Variants in TRIP12 observed in about 807,000 individuals in gnomAD.
TRIP12 encodes the protein thyroid hormone receptor interactor 12, also known as E3 ubiquitin-protein ligase TRIP12.
Under a neutral mutation model 244.2 loss-of-function variants are expected in TRIP12, and 25 were observed. That is an observed-to-expected ratio of 0.10 (90% CI 0.07 to 0.14). The LOEUF (loss-of-function observed/expected upper bound fraction) is 0.14, where lower values mean the gene tolerates loss of function less well. Among genes scored for constraint, TRIP12 ranks in the 10% least tolerant of loss-of-function variants. TRIP12 has a pLI of 1.00. For missense variants in TRIP12, 1,677 were observed against 2,486.4 expected (o/e 0.67, Z 6.92); for synonymous variants, 905 against 873.1 (o/e 1.04, Z -0.64).
At chr2:229,864,047 A>AGAGAGAGAGAGTGTGTGTGTGT in intron 2 of TRIP12, among the ~76,000 whole-genome samples, 1 of 79,292 alleles carries the variant, frequency 1.3e-5, no homozygotes, top group Non-Finnish European at 2.5e-5. Flanking sequence ...AGAGAGAGAG[A>AGAGAGAGAGAGTGTGTGTGTGT]GTGTGTGTGT....
chr2:229,879,060 T>C (rs1050810421), intron 2 of TRIP12, among the ~76,000 whole-genome samples: 4 of 152,002 alleles, frequency 2.6e-5, no homozygotes, highest in African/African-American at 9.7e-5. Flanking sequence ...TGAGACCAGC[T>C]TGGCCACCGT....
chr2:229,828,918 A>T (rs1444219656), intron 8 of TRIP12, among the ~76,000 whole-genome samples: 1 of 152,184 alleles, frequency 6.6e-6, no homozygotes, highest in African/African-American at 2.4e-5. Context: ...CAAGATTCAA[A>T]TCTATGCAAA....
At chr2:229,832,387 C>T (rs2053673824) in intron 6 of TRIP12, among the ~76,000 whole-genome samples, 1 of 152,128 alleles carries the variant, frequency 6.6e-6, no homozygotes, top group Admixed American at 6.5e-5. Flanking sequence ...TGGCCTTTTA[C>T]AAAAGTGTTG....
chr2:229,866,422 ATTT>A (rs1402938565), intron 2 of TRIP12, among the ~76,000 whole-genome samples: 2 of 152,130 alleles, frequency 1.3e-5, no homozygotes, highest in Non-Finnish European at 2.9e-5. Flanking sequence ...TTGAGATGTT[ATTT>A]TTGTTATCAA....
chr2:229,793,668 A>T (rs541615239), intron 26 of TRIP12, among the ~76,000 whole-genome samples: 23 of 152,328 alleles, frequency 1.5e-4, no homozygotes, highest in African/African-American at 5.5e-4. Flanking sequence ...CCTGGTCATG[A>T]TGTTTAATTG....
intron 6 of TRIP12, among the ~76,000 whole-genome samples, chr2:229,832,702 T>C (rs1203548782): frequency 2.0e-5 from 3 of 152,248 alleles, no homozygotes; most frequent in South Asian, 2.1e-4. Context: ...TAGCTAGTTA[T>C]GGCTGAGAGA....
intron 4 of TRIP12, among the ~76,000 whole-genome samples, chr2:229,851,430 A>G (rs1276659428): frequency 6.6e-6 from 1 of 152,094 alleles, no homozygotes; most frequent in Non-Finnish European, 1.5e-5. Context: ...GGGATTGTAA[A>G]TGCACCAATT....
intron 34 of TRIP12, among the ~76,000 whole-genome samples, chr2:229,785,130 T>C (rs889365679): frequency 3.3e-5 from 5 of 152,192 alleles, no homozygotes; most frequent in South Asian, 2.1e-4. Flanking sequence ...AGGAAACAAA[T>C]TGACACATGC....
At chr2:229,831,140 C>T (rs1343687705) in intron 6 of TRIP12, 1 of 715,638 alleles carries the variant, frequency 1.4e-6, no homozygotes, top group African/African-American at 1.7e-5. Flanking sequence ...TGTCCTGAAT[C>T]CCTCTTCTGA....
chr2:229,865,348 G>T, intron 2 of TRIP12, among the ~76,000 whole-genome samples: 1 of 34,904 alleles, frequency 2.9e-5, no homozygotes, highest in African/African-American at 9.5e-5. Flanking sequence ...AAAAAAGAAA[G>T]AAAGAAAGCA....
At chr2:229,900,349 A>C (rs2070346718) in intron 1 of TRIP12, among the ~76,000 whole-genome samples, 1 of 152,218 alleles carries the variant, frequency 6.6e-6, no homozygotes, top group Non-Finnish European at 1.5e-5. Flanking sequence ...ATAACCAACA[A>C]ACGTATTTTC....
chr2:229,766,135 A>G lies in TRIP12; in HGVS notation c.*1419T>C, dbSNP rs1240712026. The G allele has an allele frequency of 1.3e-5, 2 of 152,036 alleles. No homozygotes were observed. Among genetic ancestry groups the G allele is most frequent in the African/African-American group, 4.8e-5 (2 of 41,388 alleles). The allele number at this position is 152,036 out of a possible 1,614,324, so 9.4% of individuals were successfully genotyped here. On this transcript the variant is annotated 3_prime_UTR_variant, in exon 42 of 42. Coordinates refer to ENST00000675903, the MANE Select transcript of TRIP12 (RefSeq NM_001348323.3). ...AAAAAAAAAAACTAGCTCATCTCTT[A>G]TTTTCAAGGAGATGAATTATGGAAA... is the stretch of plus-strand genomic sequence containing the variant.
chr2:229,889,974 T>C (rs771948291), intron 1 of TRIP12, among the ~76,000 whole-genome samples: 9 of 152,182 alleles, frequency 5.9e-5, no homozygotes, highest in Non-Finnish European at 1.2e-4. Context: ...CTTTCCAGCA[T>C]TCAGACACAC....
In TRIP12 at chr2:229,801,529, G is replaced by C. The variant is rs77006235; in HGVS notation, c.3206+723C>G. 7.2e-3 allele frequency among the ~76,000 whole-genome samples: 1,099 copies of C among 152,210 alleles called. 14 individuals are homozygous for C. The highest frequency in any genetic ancestry group is 0.025 in the African/African-American group (1,051 of 41,518). ...AAGAGTACTGAAGTGAATACATACT[G>C]AATTTCAGAACTGAATTTGGTTCAT... On this transcript the variant is annotated intron_variant, in intron 21 of 41. Transcript: ENST00000675903.
intron 1 of TRIP12, among the ~76,000 whole-genome samples, chr2:229,885,818 C>T (rs1263520115): frequency 6.6e-6 from 1 of 152,084 alleles, no homozygotes; most frequent in Non-Finnish European, 1.5e-5. Flanking sequence ...GTATCGCCCA[C>T]CTAGGCTCAA....
chr2:229,782,081 G>T (rs1470771819), intron 34 of TRIP12, among the ~76,000 whole-genome samples: 1 of 152,154 alleles, frequency 6.6e-6, no homozygotes, highest in Non-Finnish European at 1.5e-5. Flanking sequence ...AAAATATGCT[G>T]AAGAAAGTGG....
chr2:229,822,357 T>C (rs1010869408), intron 8 of TRIP12, among the ~76,000 whole-genome samples: 6 of 152,180 alleles, frequency 3.9e-5, no homozygotes, highest in Non-Finnish European at 7.3e-5. Context: ...CCCAAGATAC[T>C]TGCCACATTT....
intron 23 of TRIP12, 124 bp downstream of exon 23, chr2:229,798,751 T>C (rs2043442440): frequency 9.1e-7 from 1 of 1,095,210 alleles, no homozygotes; most frequent in East Asian, 2.5e-5. Context: ...GAACTATGCT[T>C]TTAAGAACAA....
In TRIP12 at chr2:229,807,994, C is replaced by A. The variant is rs1290363606; in HGVS notation, c.2340-130G>T. 7.0e-6 allele frequency: 7 copies of A among 995,516 alleles called. No homozygotes were observed. In the Admixed American group the frequency reaches 1.9e-4, roughly 27 times the overall value. The allele number at this position is 995,516 out of a possible 1,614,324, so 61.7% of individuals were successfully genotyped here. On this transcript the variant is annotated intron_variant, in intron 16 of 41. Transcript: ENST00000675903. ...CCAATTTTTTTTTTGGAGACAGAGT[C>A]TCACTCTGTCGCCCAGGCTGGATGG...
Sources: allele counts gnomAD v4.1 joint callset (sites outside exome capture counted in the v4.1 genomes callset), GRCh38; gene constraint gnomAD v4.1.1; transcripts MANE v1.5; gene names NCBI Gene and HGNC (gene_info 2026-07-23, HGNC 2026-07-21).